KCNH7: variants seen among roughly 807,000 people sequenced by gnomAD.
The protein encoded by KCNH7 is voltage-gated inwardly rectifying potassium channel KCNH7.
Under a neutral mutation model 120.8 loss-of-function variants are expected in KCNH7, and 49 were observed. The observed-to-expected ratio is 0.41, with a 90% CI of 0.32 to 0.51. KCNH7 has a LOEUF of 0.51. Among genes scored for constraint, KCNH7 ranks in the 20% least tolerant of loss-of-function variants. The pLI is 0.38. For synonymous variants in KCNH7, 547 were observed against 516.1 expected, an observed-to-expected ratio of 1.06 and a Z score of -0.81; for missense variants, 1,097 against 1,446.6, an observed-to-expected ratio of 0.76 and a Z score of 3.92.
intron 6 of KCNH7, among the ~76,000 whole-genome samples, chr2:162,447,592 G>C (rs1688625497): frequency 1.3e-5 from 2 of 152,062 alleles, no homozygotes; most frequent in Non-Finnish European, 2.9e-5. Flanking sequence ...CCATAGACTA[G>C]ATTGTTCTAA....
intron 2 of KCNH7, among the ~76,000 whole-genome samples, chr2:162,833,285 TA>T (rs34158317): frequency 0.5 from 72,090 of 142,886 alleles, 18,579 homozygotes; most frequent in South Asian, 0.71. Flanking sequence ...CTAACTAAAA[TA>T]TTTTTTTTTT....
chr2:162,622,600 T>C (rs548409709), intron 2 of KCNH7, among the ~76,000 whole-genome samples: 2 of 152,272 alleles, frequency 1.3e-5, no homozygotes, highest in South Asian at 2.1e-4. Flanking sequence ...AAAGAATGAA[T>C]TGATCTCTGA....
intron 2 of KCNH7, among the ~76,000 whole-genome samples, chr2:162,760,261 CAAAA>C (rs1425736589): frequency 6.6e-6 from 1 of 151,932 alleles, no homozygotes; most frequent in Non-Finnish European, 1.5e-5. Context: ...AGTAGAAAAA[CAAAA>C]AACAATACTT....
Position 162,435,236 on chromosome 2 carries a change from G to A in KCNH7, c.1916C>T (p.Ser639Leu), listed in dbSNP as rs753644565. The part of the protein sequence containing the change: ...GFGNVSPNTN[S>L]EKIFSICVML... ...GACACAAATTGAAAAGATTTTCTCC[G>A]AATTCGTGTTAGGAGACACATTCCC... The change falls in exon 8 of 16, where the codon TCG (serine) becomes TTG (leucine). Residue 639 changes from serine (S) to leucine (L), a missense_variant. Ser to Leu is a moderately radical substitution (Grantham distance 145). This residue lies in a region of KCNH7 where 24 missense variants were observed against 105.8 expected (regional missense o/e 0.23). Transcript: ENST00000332142. The A allele has an allele frequency of 6.2e-7, 1 of 1,613,392 alleles. No individual in the cohort carries two copies. The highest frequency in any genetic ancestry group is 8.5e-7 in the Non-Finnish European group (1 of 1,179,610).
intron 2 of KCNH7, among the ~76,000 whole-genome samples, chr2:162,541,326 A>G (rs1057264448): frequency 2.6e-5 from 4 of 152,106 alleles, no homozygotes; most frequent in Admixed American, 2.6e-4. Flanking sequence ...TGGAGGCACC[A>G]TAGAATCAAA....
intron 6 of KCNH7, among the ~76,000 whole-genome samples, chr2:162,461,569 T>C (rs1018796867): frequency 4.6e-5 from 7 of 152,222 alleles, no homozygotes; most frequent in African/African-American, 1.7e-4. Flanking sequence ...GGTGTGACCT[T>C]GGAGCAAGTC....
chr2:162,821,603 C>T (rs1685122581), intron 2 of KCNH7, among the ~76,000 whole-genome samples: 1 of 152,156 alleles, frequency 6.6e-6, no homozygotes, highest in African/African-American at 2.4e-5. Flanking sequence ...TCTACATATC[C>T]AGTTTGCCTG....
intron 8 of KCNH7, among the ~76,000 whole-genome samples, chr2:162,431,157 T>C (rs1049927059): frequency 6.6e-6 from 1 of 152,056 alleles, no homozygotes; most frequent in Non-Finnish European, 1.5e-5. Flanking sequence ...TTTAGTTTCC[T>C]TCAATTATAT....
intron 2 of KCNH7, among the ~76,000 whole-genome samples, chr2:162,671,359 A>G (rs763302817): frequency 1.3e-5 from 2 of 151,748 alleles, no homozygotes; most frequent in Non-Finnish European, 2.9e-5. Flanking sequence ...TATACCATGG[A>G]TTACTATTCA....
At position 162,539,407 on chromosome 2, in the gene KCNH7, T is replaced by C. The variant is rs1215154299; in HGVS notation, c.308-2327A>G. Among the ~76,000 whole-genome samples the C allele has an allele frequency of 2.0e-5, 3 of 151,964 alleles. 1 individual carries two copies. The highest frequency in any genetic ancestry group is 4.4e-5 in the Non-Finnish European group (3 of 67,950). On this transcript the variant is annotated intron_variant, in intron 2 of 15. Transcript: ENST00000332142. The stretch of plus-strand genomic sequence containing the variant: ...AACACTTGGGGTGTACTGTTGACTA[T>C]AAAAAAACATAAAAAGTGTTTGAGA...
intron 2 of KCNH7, among the ~76,000 whole-genome samples, chr2:162,747,348 T>G (rs1688351042): frequency 6.6e-6 from 1 of 152,262 alleles, no homozygotes; most frequent in South Asian, 2.1e-4. Context: ...ATCAAGAACT[T>G]TGATCTGTTA....
intron 2 of KCNH7, among the ~76,000 whole-genome samples, chr2:162,719,165 C>T (rs1351788948): frequency 6.6e-6 from 1 of 152,010 alleles, no homozygotes; most frequent in Non-Finnish European, 1.5e-5. Context: ...CACTACAATT[C>T]CTTCCATCCT....
Position 162,492,884 on chromosome 2 carries a change from T to G in KCNH7, c.1128+11559A>C, listed in dbSNP as rs1233299416. On this transcript the variant is annotated intron_variant, in intron 6 of 15. Coordinates refer to ENST00000332142, the MANE Select transcript of KCNH7 (RefSeq NM_033272.4). ...GATCTTGTTTTTTTTTTTTTTTTTT[T>G]TTTTTTTTGGAAAAGGTTTTTTTCT... Among the ~76,000 whole-genome samples the G allele has an allele frequency of 2.2e-4, 28 of 129,278 alleles. 1 individual carries two copies. Among genetic ancestry groups the G allele is most frequent in the African/African-American group, 8.4e-4 (27 of 32,252 alleles). 84.8% of individuals were successfully genotyped at this position (129,278 alleles called of 152,430 possible).
chr2:162,407,549 T>C (rs1687265929), intron 9 of KCNH7, among the ~76,000 whole-genome samples: 1 of 151,962 alleles, frequency 6.6e-6, no homozygotes, highest in Non-Finnish European at 1.5e-5. Context: ...AGTCCTTGTG[T>C]TAATTCCGCA....
intron 10 of KCNH7, 82 bp downstream of exon 10, chr2:162,400,107 A>C (rs1448972241): frequency 2.8e-6 from 4 of 1,421,118 alleles, no homozygotes; most frequent in Non-Finnish European, 3.9e-6. Context: ...TACATACATC[A>C]GTCTTTTTTT....
chr2:162,450,092 G>A (rs558197369), intron 6 of KCNH7, among the ~76,000 whole-genome samples: 110 of 152,034 alleles, frequency 7.2e-4, no homozygotes, highest in Non-Finnish European at 1.3e-3. Flanking sequence ...ATTTACTTGC[G>A]TTATCATGAT....
intron 14 of KCNH7, among the ~76,000 whole-genome samples, chr2:162,375,927 T>A (rs969443826): frequency 6.6e-6 from 1 of 150,584 alleles, no homozygotes; most frequent in African/African-American, 2.4e-5. Context: ...AAAAGAGGAC[T>A]CTTATACTGA....
At chr2:162,469,858 C>T (rs921153379) in intron 6 of KCNH7, among the ~76,000 whole-genome samples, 6 of 152,298 alleles carry the variant, frequency 3.9e-5, no homozygotes, top group South Asian at 2.1e-4. Context: ...AGGCGCGCGC[C>T]GCCACGCCTG....
chr2:162,734,844 A>G (rs908147451), intron 2 of KCNH7, among the ~76,000 whole-genome samples: 2 of 152,200 alleles, frequency 1.3e-5, no homozygotes, highest in Non-Finnish European at 2.9e-5. Flanking sequence ...TCCTTTTAAC[A>G]TATGAAAATA....
Sources: allele counts gnomAD v4.1 joint callset (sites outside exome capture counted in the v4.1 genomes callset), GRCh38; gene constraint gnomAD v4.1.1; regional missense constraint gnomAD v4.1.1; transcripts MANE v1.5; gene names NCBI Gene and HGNC (gene_info 2026-07-23, HGNC 2026-07-21).